The following TSPEAR variants were observed in gnomAD, a reference collection of about 807,000 sequenced individuals.
TSPEAR encodes the protein thrombospondin type laminin G domain and EAR repeats, also known as thrombospondin-type laminin G domain and EAR repeat-containing protein.
TSPEAR carries 69 observed loss-of-function variants against 71.6 expected under a neutral mutation model. The ratio of observed to expected loss-of-function variants is 0.96; its 90% confidence interval spans 0.79 to 1.18. The LOEUF is 1.18. TSPEAR is among the 50% of genes most tolerant of loss of function. TSPEAR has a pLI of 0.00. For synonymous variants in TSPEAR, 402 were observed against 387.2 expected (o/e 1.04, Z -0.45); for missense variants, 971 against 894.9 (o/e 1.09, Z -1.09).
intron 7 of TSPEAR, among the ~76,000 whole-genome samples, chr21:44,526,734 G>C (rs949427644): frequency 1.3e-5 from 2 of 152,160 alleles, no homozygotes; most frequent in Non-Finnish European, 2.9e-5. Flanking sequence ...GGGAGTGGAC[G>C]GAGCTGGGAA....
chr21:44,690,588 G>A (rs1987085203), intron 1 of TSPEAR: 1 of 985,426 alleles, frequency 1.0e-6, no homozygotes, highest in Non-Finnish European at 1.2e-6. Flanking sequence ...TTCAGCCCAC[G>A]CTTTCAAAGA....
At chr21:44,705,269 T>C (rs1159691835) in intron 1 of TSPEAR, among the ~76,000 whole-genome samples, 3 of 152,228 alleles carry the variant, frequency 2.0e-5, no homozygotes, top group African/African-American at 7.2e-5. Context: ...ATCCTGTCAG[T>C]TGAGGAGGGT....
rs141479363 is a variant in TSPEAR, at chr21:44,548,658, G to A, written c.304-14735C>T. On this transcript the variant is annotated intron_variant, in intron 2 of 11. Coordinates refer to ENST00000323084, the MANE Select transcript of TSPEAR (RefSeq NM_144991.3). ...ACTGCAGAGCCAGGGGACGCTGGCC[G>A]GGGACGGTGGGTTTGTTTATTTGGG... 5.5e-4 allele frequency among the ~76,000 whole-genome samples: 83 copies of A among 152,274 alleles called. 1 individual carries two copies. The Middle Eastern group carries it at 0.014, about 25-fold the overall frequency.
chr21:44,580,357 G>C, intron 1 of TSPEAR: 1 of 1,613,744 alleles, frequency 6.2e-7, no homozygotes, highest in Non-Finnish European at 8.5e-7. Flanking sequence ...AAGCCGGCTG[G>C]CAGCACGAGG....
chr21:44,569,556 C>A lies in TSPEAR; in HGVS notation c.83-1551G>T, dbSNP rs141582773. Among the ~76,000 whole-genome samples the A allele has an allele frequency of 2.0e-4, 31 of 152,200 alleles. No individual in the cohort carries two copies. In the East Asian group the frequency reaches 6.0e-3, roughly 29 times the overall value. On this transcript the variant is annotated intron_variant, in intron 1 of 11. Transcript: ENST00000323084. ...GGGTGTGTGTGTGTGTGACCCACAG[C>A]ACCAGAGAGTTTGGGGACATGCAGA...
intron 8 of TSPEAR, among the ~76,000 whole-genome samples, chr21:44,522,946 A>T (rs1555914460): frequency 6.6e-6 from 1 of 152,230 alleles, no homozygotes; most frequent in Non-Finnish European, 1.5e-5. Flanking sequence ...TTAGTCTGTC[A>T]GTCAGTCATT....
At chr21:44,613,769 G>A (rs114837236) in intron 1 of TSPEAR, among the ~76,000 whole-genome samples, 1 of 152,136 alleles carries the variant, frequency 6.6e-6, no homozygotes, top group African/African-American at 2.4e-5. Flanking sequence ...GGGATGGGAT[G>A]GGGGGATGCT....
intron 1 of TSPEAR, chr21:44,579,785 G>A (rs782016845): frequency 5.0e-6 from 8 of 1,612,446 alleles, no homozygotes; most frequent in Admixed American, 3.3e-5. Context: ...GGGGGAGCAC[G>A]CGGGGCGGCA....
intron 1 of TSPEAR, chr21:44,654,244 C>A (rs1555942013): frequency 1.9e-6 from 3 of 1,568,344 alleles, no homozygotes; most frequent in Non-Finnish European, 2.6e-6. Flanking sequence ...CTTCTGACCT[C>A]GCACCTACGA....
At chr21:44,580,310 A>G in intron 1 of TSPEAR, 6 of 1,613,944 alleles carry the variant, frequency 3.7e-6, no homozygotes, top group Non-Finnish European at 5.1e-6. Flanking sequence ...GCAGACGGGC[A>G]CGCAGCAGGC....
chr21:44,647,139 C>A (rs1984469856), intron 1 of TSPEAR: 3 of 1,613,994 alleles, frequency 1.9e-6, no homozygotes, highest in Non-Finnish European at 2.5e-6. Context: ...CTTGCTGCAC[C>A]ACCTCCTGCT....
At chr21:44,624,675 C>CTGT (rs781914232) in intron 1 of TSPEAR, among the ~76,000 whole-genome samples, 1 of 152,122 alleles carries the variant, frequency 6.6e-6, no homozygotes. Context: ...AACTGACAGT[C>CTGT]TGTTGTTGTT....
chr21:44,709,733 G>T (rs1056022310), intron 1 of TSPEAR, among the ~76,000 whole-genome samples: 11 of 152,256 alleles, frequency 7.2e-5, no homozygotes. Context: ...CGGGGCCCAC[G>T]CTAAGGCGGA....
At chr21:44,574,325 G>T in intron 1 of TSPEAR, 1 of 1,608,788 alleles carries the variant, frequency 6.2e-7, no homozygotes, top group East Asian at 2.2e-5. Context: ...GCTGCCAGGC[G>T]GTCTGTGAGC....
At chr21:44,639,595 A>T (rs1983904525) in intron 1 of TSPEAR, among the ~76,000 whole-genome samples, 1 of 152,220 alleles carries the variant, frequency 6.6e-6, no homozygotes, top group Non-Finnish European at 1.5e-5. Flanking sequence ...CCAGGGACAG[A>T]GATGTTTGTC....
In TSPEAR at chr21:44,640,520, T is replaced by G. The variant is rs1983966255; in HGVS notation, c.82+70913A>C. Among the ~76,000 whole-genome samples the G allele has an allele frequency of 2.0e-5, 3 of 152,224 alleles. No individual in the cohort carries two copies. In the South Asian group the frequency reaches 6.2e-4, roughly 32 times the overall value. ...CAGTGGATTGTGCACTTACAGTGGG[T>G]GAACTTCATGGCTTGTGAATTTTCT... is the stretch of plus-strand genomic sequence containing the variant. On this transcript the variant is annotated intron_variant, in intron 1 of 11. Transcript: ENST00000323084.
At chr21:44,544,252 T>A (rs1254899407) in intron 2 of TSPEAR, among the ~76,000 whole-genome samples, 1 of 152,120 alleles carries the variant, frequency 6.6e-6, no homozygotes, top group African/African-American at 2.4e-5. Context: ...CTAAACACTG[T>A]GGGATTCTGT....
At chr21:44,571,141 T>C (rs1375043862) in intron 1 of TSPEAR, among the ~76,000 whole-genome samples, 4 of 152,188 alleles carry the variant, frequency 2.6e-5, no homozygotes, top group South Asian at 2.1e-4. Context: ...GGCAAAGGCA[T>C]TGCAATAAGA....
chr21:44,693,783 T>C (rs1987215217), intron 1 of TSPEAR, among the ~76,000 whole-genome samples: 1 of 152,030 alleles, frequency 6.6e-6, no homozygotes, highest in Admixed American at 6.5e-5. Context: ...AAGTTAAACA[T>C]AGAATTACCA....
Sources: gnomAD v4.1 joint callset for allele counts (sites outside exome capture counted in the v4.1 genomes callset) on GRCh38, gnomAD v4.1.1 for gene constraint, MANE v1.5 for transcripts, NCBI Gene and HGNC (gene_info 2026-07-23, HGNC 2026-07-21) for gene names.